STAG1: variants seen among roughly 807,000 people sequenced by gnomAD.
STAG1 encodes cohesin subunit SA-1.
STAG1 carries 26 observed loss-of-function variants against 170.9 expected under a neutral mutation model. The observed-to-expected ratio is 0.15, with a 90% confidence interval of 0.11 to 0.21. STAG1 has a LOEUF of 0.21. STAG1 is among the 10% of genes least tolerant of loss of function. The probability of loss-of-function intolerance (pLI) is 1.00; values close to 1 mark genes in which losing one functional copy is unlikely to be tolerated. For missense variants in STAG1, 964 were observed against 1,509.5 expected (o/e 0.64, Z 5.99); for synonymous variants, 514 against 497.7 (o/e 1.03, Z -0.44).
intron 16 of STAG1, among the ~76,000 whole-genome samples, chr3:136,429,297 C>G (rs1246682100): frequency 6.6e-6 from 1 of 152,138 alleles, no homozygotes; most frequent in East Asian, 1.9e-4. Context: ...ATCCCTGGTA[C>G]TTGGGAGTCT....
At chr3:136,399,680 A>AT (rs2087262477) in intron 21 of STAG1, among the ~76,000 whole-genome samples, 2 of 152,112 alleles carry the variant, frequency 1.3e-5, no homozygotes, top group Admixed American at 1.3e-4. Context: ...ACATGCTTAT[A>AT]TATGTGTCTT....
chr3:136,439,452 A>AG (rs1255412539), intron 15 of STAG1, among the ~76,000 whole-genome samples: 6 of 148,584 alleles, frequency 4.0e-5, no homozygotes, highest in African/African-American at 1.3e-4. Flanking sequence ...AAACACTGTA[A>AG]GACAGTCTTA....
intron 1 of STAG1, among the ~76,000 whole-genome samples, chr3:136,702,678 G>C (rs111734661): frequency 4.6e-5 from 7 of 152,206 alleles, no homozygotes; most frequent in African/African-American, 1.4e-4. Context: ...GAGCCACCAT[G>C]CCCTGCCTCA....
At chr3:136,349,453 G>A in intron 28 of STAG1, 90 bp from the exon 29 acceptor site, 3 of 944,474 alleles carry the variant, frequency 3.2e-6, no homozygotes, top group Non-Finnish European at 5.0e-6. Flanking sequence ...CTTTCTGCAG[G>A]TTCTGAAGAA....
chr3:136,645,101 G>A (rs1242780347), intron 1 of STAG1, among the ~76,000 whole-genome samples: 1 of 152,152 alleles, frequency 6.6e-6, no homozygotes, highest in African/African-American at 2.4e-5. Flanking sequence ...AATAGTGTAT[G>A]GGTGATTCTG....
At chr3:136,632,456 G>T (rs896256660) in intron 1 of STAG1, among the ~76,000 whole-genome samples, 1 of 152,084 alleles carries the variant, frequency 6.6e-6, no homozygotes, top group Admixed American at 6.6e-5. Flanking sequence ...GCAACTTGCT[G>T]GTACCTGTGG....
intron 1 of STAG1, among the ~76,000 whole-genome samples, chr3:136,651,097 G>A (rs1175392286): frequency 2.0e-5 from 3 of 152,086 alleles, no homozygotes; most frequent in African/African-American, 7.2e-5. Flanking sequence ...GGGCACTGTG[G>A]CTCACACCTG....
chr3:136,658,393 TA>T lies in STAG1; in HGVS notation c.-83-27413del, dbSNP rs141204577. Among the ~76,000 whole-genome samples, 213 of 148,612 alleles carry T rather than the reference TA, an allele frequency of 1.4e-3. 1 individual carries two copies. Among genetic ancestry groups the T allele is most frequent in the East Asian group, 0.012 (59 of 5,112 alleles). On this transcript the variant is annotated intron_variant, in intron 1 of 33. Transcript: ENST00000383202. ...CTGAGTGTTACTTGAATAGGAAATT[TA>T]AAAAAAAAAATCAAAGGTAATTTAG...
intron 13 of STAG1, among the ~76,000 whole-genome samples, chr3:136,455,918 A>C (rs2089099793): frequency 6.6e-6 from 1 of 152,212 alleles, no homozygotes; most frequent in Admixed American, 6.5e-5. Flanking sequence ...CAGACTGAGA[A>C]AGAACAGAAG....
intron 1 of STAG1, among the ~76,000 whole-genome samples, chr3:136,653,757 C>CA (rs1218941294): frequency 6.6e-6 from 1 of 152,094 alleles, no homozygotes; most frequent in African/African-American, 2.4e-5. Flanking sequence ...AAAAAGTTGT[C>CA]AAACTGAATC....
chr3:136,501,481 C>A (rs777980461), intron 8 of STAG1, among the ~76,000 whole-genome samples: 1 of 152,068 alleles, frequency 6.6e-6, no homozygotes, highest in Admixed American at 6.5e-5. Context: ...CAAACATACA[C>A]ACAGGAAGAA....
intron 1 of STAG1, among the ~76,000 whole-genome samples, chr3:136,639,116 C>A (rs1043241791): frequency 2.4e-4 from 37 of 151,044 alleles, no homozygotes; most frequent in African/African-American, 8.3e-4. Context: ...ATTTATGTTC[C>A]CATGCATATT....
intron 1 of STAG1, among the ~76,000 whole-genome samples, chr3:136,713,811 T>A (rs980804879): frequency 2.6e-5 from 4 of 151,668 alleles, no homozygotes; most frequent in African/African-American, 9.7e-5. Context: ...TTACCTGAGG[T>A]CAGAAATTTA....
chr3:136,428,773 T>C (rs1159597247), intron 16 of STAG1, among the ~76,000 whole-genome samples: 4 of 152,104 alleles, frequency 2.6e-5, no homozygotes, highest in Non-Finnish European at 5.9e-5. Context: ...ATCAAAGAGA[T>C]TGTGGTTATA....
intron 1 of STAG1, among the ~76,000 whole-genome samples, chr3:136,719,151 T>C (rs1933053293): frequency 6.6e-6 from 1 of 152,122 alleles, no homozygotes; most frequent in Non-Finnish European, 1.5e-5. Context: ...CAAATGTCCA[T>C]GAAGTAAACA....
chr3:136,376,309 C>T (rs891628369), intron 23 of STAG1, among the ~76,000 whole-genome samples: 1 of 152,080 alleles, frequency 6.6e-6, no homozygotes, highest in Non-Finnish European at 1.5e-5. Flanking sequence ...AATGTACTCC[C>T]CAATACAACA....
intron 6 of STAG1, among the ~76,000 whole-genome samples, chr3:136,535,167 T>G (rs1032168652): frequency 2.6e-5 from 4 of 152,224 alleles, no homozygotes; most frequent in Admixed American, 1.3e-4. Flanking sequence ...TTTCTCACTC[T>G]TATCTGTGAG....
chr3:136,569,063 A>G (rs181985901), intron 4 of STAG1, among the ~76,000 whole-genome samples: 1 of 152,264 alleles, frequency 6.6e-6, no homozygotes, highest in East Asian at 1.9e-4. Flanking sequence ...CTAGGTTTCA[A>G]AGATTTGTTT....
intron 1 of STAG1, among the ~76,000 whole-genome samples, chr3:136,633,876 C>A (rs1285904855): frequency 6.9e-6 from 1 of 144,794 alleles, no homozygotes; most frequent in Non-Finnish European, 1.5e-5. Flanking sequence ...ATAATCCCAG[C>A]ACTTTGGGAG....
Sources: gnomAD v4.1 joint callset for allele counts (sites outside exome capture counted in the v4.1 genomes callset) on GRCh38, gnomAD v4.1.1 for gene constraint, MANE v1.5 for transcripts, NCBI Gene and HGNC (gene_info 2026-07-23, HGNC 2026-07-21) for gene names.